The following DMD variants were observed in gnomAD, a reference collection of about 807,000 sequenced individuals.
The protein encoded by DMD is mutant dystrophin.
DMD carries 63 observed loss-of-function variants against 330.1 expected under a neutral mutation model. The ratio of observed to expected loss-of-function variants is 0.19; its 90% confidence interval spans 0.16 to 0.24. DMD has a LOEUF of 0.24. Ranked by LOEUF, DMD falls within the 10% of genes least tolerant of loss-of-function variation. The pLI is 1.00. For synonymous variants in DMD, 1,223 were observed against 959.8 expected, an observed-to-expected ratio of 1.27 and a Z score of -5.07; for missense variants, 3,344 against 2,684.1, an observed-to-expected ratio of 1.25 and a Z score of -5.43.
chrX:33,148,052 C>G (rs972114450), intron 1 of DMD, among the ~76,000 whole-genome samples: 1 of 111,755 alleles, frequency 8.9e-6, no homozygotes, highest in African/African-American at 3.3e-5. Flanking sequence ...CCACAAAATC[C>G]TTTATAGATA....
chrX:31,400,461 C>T (rs894361951), intron 60 of DMD, among the ~76,000 whole-genome samples: 1 of 111,444 alleles, frequency 9.0e-6, no homozygotes, highest in East Asian at 2.8e-4. Flanking sequence ...GGGCACATGT[C>T]GTTAGAACCT....
At chrX:32,174,480 A>G (rs1425365501) in intron 44 of DMD, among the ~76,000 whole-genome samples, 1 of 112,107 alleles carries the variant, frequency 8.9e-6, no homozygotes, top group Non-Finnish European at 1.9e-5. Flanking sequence ...ATAAAGTTTT[A>G]TTGGATCACA....
At chrX:33,263,391 T>A (rs1011867011) in intron 1 of DMD, among the ~76,000 whole-genome samples, 4 of 108,890 alleles carry the variant, frequency 3.7e-5, no homozygotes, top group African/African-American at 1.3e-4. Context: ...CATGCATCAT[T>A]TTAGATTCAC....
At chrX:32,950,527 C>A (rs1398446358) in intron 2 of DMD, among the ~76,000 whole-genome samples, 1 of 110,827 alleles carries the variant, frequency 9.0e-6, no homozygotes, top group Non-Finnish European at 1.9e-5. Flanking sequence ...TGGTATATTT[C>A]TTGGAAAGCA....
At chrX:31,561,066 A>G (rs1313263826) in intron 55 of DMD, among the ~76,000 whole-genome samples, 2 of 111,963 alleles carry the variant, frequency 1.8e-5, no homozygotes, top group Non-Finnish European at 3.8e-5. Flanking sequence ...CTGTTCTTAG[A>G]CACGGCCCAG....
intron 44 of DMD, among the ~76,000 whole-genome samples, chrX:32,148,611 A>C (rs1350615813): frequency 1.8e-5 from 2 of 111,112 alleles, no homozygotes; most frequent in Non-Finnish European, 3.8e-5. Context: ...TTAAAAAAAA[A>C]AAGATTATTG....
At chrX:33,045,704 C>T (rs2094371452) in intron 1 of DMD, among the ~76,000 whole-genome samples, 1 of 110,953 alleles carries the variant, frequency 9.0e-6, no homozygotes, top group Non-Finnish European at 1.9e-5. Flanking sequence ...ATAAGAGGAA[C>T]ATTATAATGT....
chrX:32,268,637 G>T (rs1164580210), intron 43 of DMD, among the ~76,000 whole-genome samples: 2 of 111,536 alleles, frequency 1.8e-5, no homozygotes, highest in African/African-American at 6.5e-5. Flanking sequence ...CTCAGGATTT[G>T]CTTATGTAAG....
intron 44 of DMD, among the ~76,000 whole-genome samples, chrX:32,044,623 T>C (rs190228921): frequency 0.049 from 5,385 of 109,401 alleles, 121 homozygotes; most frequent in African/African-American, 0.091. Context: ...GGGGTTTCAC[T>C]GTGTTAGCCA....
intron 44 of DMD, among the ~76,000 whole-genome samples, chrX:32,040,082 T>A (rs1347537022): frequency 8.9e-6 from 1 of 112,104 alleles, no homozygotes; most frequent in Non-Finnish European, 1.9e-5. Flanking sequence ...AAATATTAAT[T>A]TCTAGAGAAC....
chrX:33,121,992 G>A (rs1255701651), intron 1 of DMD, among the ~76,000 whole-genome samples: 3 of 112,043 alleles, frequency 2.7e-5, no homozygotes, highest in African/African-American at 6.5e-5. Flanking sequence ...TTGGGAGGCC[G>A]AGATGGGCAG....
At chrX:32,345,884 T>A in intron 39 of DMD, 59 bp downstream of exon 39, 1 of 1,146,111 alleles carries the variant, frequency 8.7e-7, no homozygotes, top group East Asian at 3.0e-5. Context: ...CATTATATTT[T>A]ACCCTATATA....
At chrX:32,954,221 CA>C (rs200785045) in intron 2 of DMD, among the ~76,000 whole-genome samples, 2,196 of 112,305 alleles carry the variant, frequency 0.02, 29 homozygotes, top group Non-Finnish European at 0.029. Context: ...ATTCAATCAA[CA>C]TTTTAAAAAT....
intron 2 of DMD, among the ~76,000 whole-genome samples, chrX:32,856,239 G>A (rs1184564655): frequency 9.0e-6 from 1 of 111,674 alleles, no homozygotes; most frequent in African/African-American, 3.3e-5. Flanking sequence ...CCACTGTGAA[G>A]AACTGTTTGA....
chrX:31,551,181 G>GAAAAAAAAAAAAAAA (rs10659535), intron 55 of DMD, among the ~76,000 whole-genome samples: 1 of 75,324 alleles, frequency 1.3e-5, no homozygotes, highest in Non-Finnish European at 2.4e-5. Context: ...TCCATCTCGG[G>GAAAAAAAAAAAAAAA]AAAAAAAAAA....
At chrX:33,165,668 T>C (rs58734690) in intron 1 of DMD, among the ~76,000 whole-genome samples, 583 of 111,674 alleles carry the variant, frequency 5.2e-3, no homozygotes, top group African/African-American at 0.018. Flanking sequence ...AGGATCACAA[T>C]TCATCTAGGT....
At chrX:33,049,365 CCA>C (rs1183029667) in intron 1 of DMD, among the ~76,000 whole-genome samples, 2 of 111,489 alleles carry the variant, frequency 1.8e-5, no homozygotes, top group Admixed American at 1.9e-4. Flanking sequence ...GTATATTTCC[CCA>C]GTTACAGATT....
intron 4 of DMD, among the ~76,000 whole-genome samples, chrX:32,836,936 A>G (rs924143777): frequency 1.5e-4 from 17 of 111,843 alleles, no homozygotes; most frequent in Admixed American, 3.8e-4. Flanking sequence ...GACGAAGAGC[A>G]GATATCCGAA....
intron 2 of DMD, among the ~76,000 whole-genome samples, chrX:32,880,358 T>TAGGCAGA (rs2083813724): frequency 2.7e-5 from 3 of 110,365 alleles, no homozygotes; most frequent in Non-Finnish European, 5.7e-5. Flanking sequence ...AGATGTTTAA[T>TAGGCAGA]CAATGTTTGG....
Sources: gnomAD v4.1 joint callset for allele counts (sites outside exome capture counted in the v4.1 genomes callset) on GRCh38, gnomAD v4.1.1 for gene constraint, MANE v1.5 for transcripts, NCBI Gene and HGNC (gene_info 2026-07-23, HGNC 2026-07-21) for gene names.